PIK3C2G: variants seen among roughly 807,000 people sequenced by gnomAD.
PIK3C2G encodes phosphatidylinositol 3-kinase C2 domain-containing subunit gamma.
In PIK3C2G, 168 loss-of-function variants were observed where a neutral mutation model predicts 181.1. The observed-to-expected ratio is 0.93, with a 90% CI of 0.82 to 1.05. The LOEUF (loss-of-function observed/expected upper bound fraction) is 1.05. Ranked by LOEUF, PIK3C2G falls within the 50% of genes least tolerant of loss-of-function variation. The pLI, the probability that PIK3C2G is intolerant of heterozygous loss-of-function variation, is 0.00. For synonymous variants in PIK3C2G, 573 were observed against 592.2 expected, an observed-to-expected ratio of 0.97 and a Z score of 0.47; for missense variants, 1,869 against 1,732.8, an observed-to-expected ratio of 1.08 and a Z score of -1.40.
At chr12:18,553,089 G>A (rs1363636620) in intron 26 of PIK3C2G, among the ~76,000 whole-genome samples, 1 of 151,976 alleles carries the variant, frequency 6.6e-6, no homozygotes, top group East Asian at 1.9e-4. Context: ...AATCCCCATT[G>A]ATATTTCTGA....
intron 30 of PIK3C2G, among the ~76,000 whole-genome samples, chr12:18,609,142 G>A (rs1948208897): frequency 1.3e-5 from 2 of 152,140 alleles, no homozygotes; most frequent in East Asian, 1.9e-4. Context: ...GAATAGTAGT[G>A]CTGGGCCTTG....
chr12:18,711,396 A>C, the PIK3C2G span, among the ~76,000 whole-genome samples: 1 of 46,694 alleles, frequency 2.1e-5, no homozygotes, highest in African/African-American at 9.2e-5. Flanking sequence ...GGGTGGGGGG[A>C]GGGGGGAGGG....
intron 29 of PIK3C2G, among the ~76,000 whole-genome samples, chr12:18,592,908 C>T (rs1384398936): frequency 1.3e-5 from 2 of 151,972 alleles, no homozygotes; most frequent in African/African-American, 4.8e-5. Flanking sequence ...GCCATAACAA[C>T]CTACTATAAA....
chr12:18,555,178 T>G (rs1343660895), intron 26 of PIK3C2G, among the ~76,000 whole-genome samples: 1 of 152,136 alleles, frequency 6.6e-6, no homozygotes, highest in Admixed American at 6.5e-5. Flanking sequence ...TATGAACAAT[T>G]TAAACTGTAA....
chr12:18,397,672 C>T (rs1565676386), intron 15 of PIK3C2G, among the ~76,000 whole-genome samples: 2 of 151,980 alleles, frequency 1.3e-5, no homozygotes, highest in Non-Finnish European at 2.9e-5. Flanking sequence ...ACTCTGCAGG[C>T]AATAGTGTAA....
chr12:18,266,257 C>T (rs74068691), intron 1 of PIK3C2G, among the ~76,000 whole-genome samples: 1 of 151,774 alleles, frequency 6.6e-6, no homozygotes, highest in African/African-American at 2.4e-5. Flanking sequence ...GTATTTTTCT[C>T]CAACTAATAG....
At position 18,546,387 on chromosome 12, in the gene PIK3C2G, T is replaced by C. The variant is rs760426616; in HGVS notation, c.3545T>C (p.Leu1182Pro). 4 of 1,601,498 alleles carry C rather than the reference T, an allele frequency of 2.5e-6. No individual in the cohort carries two copies. Among genetic ancestry groups the C allele is most frequent in the Non-Finnish European group, 3.4e-6 (4 of 1,173,208 alleles). Residue 1182 changes from leucine (L) to proline (P), a missense_variant, in exon 26 of 33, where the codon CTT (leucine) becomes CCT (proline). Coordinates refer to ENST00000538779, the MANE Select transcript of PIK3C2G (RefSeq NM_001288772.2). ...IQDLKYVYNN[L>P]RPQDTDLEAT... The stretch of plus-strand genomic sequence containing the variant: ...GACCTGAAATATGTGTATAATAATC[T>C]TCGTCCACAAGACACAGACCTGGAA...
chr12:18,662,188 T>TA, the PIK3C2G span, among the ~76,000 whole-genome samples: 1 of 152,228 alleles, frequency 6.6e-6, no homozygotes, highest in South Asian at 2.1e-4. Flanking sequence ...GTAGTTATGC[T>TA]ATGCTACCTA....
chr12:18,523,892 T>C (rs1228931547), intron 24 of PIK3C2G, among the ~76,000 whole-genome samples: 1 of 152,190 alleles, frequency 6.6e-6, no homozygotes, highest in Non-Finnish European at 1.5e-5. Context: ...CTGGGAAGAC[T>C]TGTGAGAGCA....
At chr12:18,682,020 C>T in the PIK3C2G span, among the ~76,000 whole-genome samples, 4 of 151,958 alleles carry the variant, frequency 2.6e-5, no homozygotes, top group South Asian at 2.1e-4. Flanking sequence ...TAAATAAGAT[C>T]CATTCATTAT....
At position 18,371,231 on chromosome 12, in the gene PIK3C2G, T is replaced by C. The variant is rs1942037913; in HGVS notation, c.1800T>C (p.Thr600=). ...CACTTCCAAGGGAATCCATGCTCAC[T>C]GTAAAACTGTTTGGGATTGCCTGTG... ...IKSLPRESML[T]VKLFGIACAT... is the part of the protein sequence containing the mutation. Residue 600 remains threonine (T), a synonymous_variant, in exon 13 of 33, where the codon ACT becomes ACC. Coordinates refer to ENST00000538779, the MANE Select transcript of PIK3C2G (RefSeq NM_001288772.2). 1 of 1,612,270 alleles carries C rather than the reference T, an allele frequency of 6.2e-7. No individual in the cohort carries two copies. The highest frequency in any genetic ancestry group is 1.3e-5 in the African/African-American group (1 of 74,906).
At chr12:18,702,345 A>G in the PIK3C2G span, among the ~76,000 whole-genome samples, 1 of 152,160 alleles carries the variant, frequency 6.6e-6, no homozygotes, top group Admixed American at 6.5e-5. Context: ...AAAATTTACC[A>G]TCAGTGTCAC....
chr12:18,682,861 G>A, the PIK3C2G span, among the ~76,000 whole-genome samples: 31 of 152,126 alleles, frequency 2.0e-4, no homozygotes, highest in South Asian at 5.0e-3. Context: ...GTGTCTAGAA[G>A]TTAAAACACT....
intron 18 of PIK3C2G, among the ~76,000 whole-genome samples, chr12:18,445,900 T>C (rs1279483068): frequency 6.6e-6 from 1 of 152,150 alleles, no homozygotes; most frequent in Admixed American, 6.5e-5. Flanking sequence ...TCTGAATGGA[T>C]ACAAAAGAAA....
intron 8 of PIK3C2G, among the ~76,000 whole-genome samples, chr12:18,333,241 A>G (rs1938166368): frequency 6.6e-6 from 1 of 151,658 alleles, no homozygotes; most frequent in Non-Finnish European, 1.5e-5. Context: ...TATTATCTGG[A>G]TTTTTCATTG....
intron 1 of PIK3C2G, among the ~76,000 whole-genome samples, chr12:18,250,055 C>A (rs1591758053): frequency 6.6e-6 from 1 of 152,042 alleles, no homozygotes; most frequent in East Asian, 1.9e-4. Flanking sequence ...CTCAATGTAA[C>A]CAGAATTAGT....
At chr12:18,524,379 T>C (rs1248472958) in intron 24 of PIK3C2G, among the ~76,000 whole-genome samples, 2 of 152,138 alleles carry the variant, frequency 1.3e-5, no homozygotes, top group Admixed American at 1.3e-4. Flanking sequence ...AGTTTTAGGA[T>C]ATTCAGGGTG....
intron 29 of PIK3C2G, among the ~76,000 whole-genome samples, chr12:18,567,522 G>A (rs1945700816): frequency 6.6e-6 from 1 of 151,918 alleles, no homozygotes; most frequent in African/African-American, 2.4e-5. Context: ...ATAGAACCTT[G>A]ACTTCAAATA....
upstream of PIK3C2G, among the ~76,000 whole-genome samples, chr12:18,257,368 A>C (rs924148258): frequency 6.6e-6 from 1 of 152,208 alleles, no homozygotes; most frequent in African/African-American, 2.4e-5. Flanking sequence ...TACTTTTTGC[A>C]ATAATGATAG....
Sources: allele counts gnomAD v4.1 joint callset (sites outside exome capture counted in the v4.1 genomes callset), GRCh38; gene constraint gnomAD v4.1.1; transcripts MANE v1.5; gene names NCBI Gene and HGNC (gene_info 2026-07-23, HGNC 2026-07-21).